EFCAB6: variants seen among roughly 807,000 people sequenced by gnomAD.
EFCAB6 encodes the protein EF-hand calcium-binding domain-containing protein 6.
In EFCAB6, 156 loss-of-function variants were observed where a neutral mutation model predicts 169.8. The ratio of observed to expected loss-of-function variants is 0.92; its 90% confidence interval spans 0.81 to 1.05. EFCAB6 has a LOEUF of 1.05. Ranked by LOEUF, EFCAB6 falls within the 50% of genes least tolerant of loss-of-function variation. The pLI is 0.00. For missense variants in EFCAB6, 1,800 were observed against 1,829.1 expected (o/e 0.98, Z 0.29); for synonymous variants, 698 against 676.4 (o/e 1.03, Z -0.50).
chr22:43,555,533 C>T lies in EFCAB6; in HGVS notation c.3421-437G>A, dbSNP rs559842258. Among the ~76,000 whole-genome samples the T allele has an allele frequency of 5.3e-5, 8 of 152,372 alleles. 1 individual carries two copies. Among genetic ancestry groups the T allele is most frequent in the African/African-American group, 1.4e-4 (6 of 41,586 alleles). On this transcript the variant is annotated intron_variant, in intron 26 of 31. Coordinates refer to ENST00000262726, the MANE Select transcript of EFCAB6 (RefSeq NM_022785.4). Reference sequence around the variant, plus strand: ...TTCAGGATGCCAGTTTAGTTGATTACTCACAGTGGTCAACATTTGAAAGGG... The same window carrying T: ...TTCAGGATGCCAGTTTAGTTGATTATTCACAGTGGTCAACATTTGAAAGGG...
intron 17 of EFCAB6, among the ~76,000 whole-genome samples, chr22:43,644,970 G>A (rs562960017): frequency 2.4e-4 from 37 of 152,230 alleles, no homozygotes; most frequent in Admixed American, 5.9e-4. Context: ...CTTACTCTTC[G>A]GGGGTTTCCT....
chr22:43,649,028 G>T (rs1021937353), intron 17 of EFCAB6, among the ~76,000 whole-genome samples: 4 of 151,762 alleles, frequency 2.6e-5, no homozygotes, highest in African/African-American at 9.7e-5. Context: ...TGGTGCAAAC[G>T]AGCCAATGCC....
At chr22:43,662,141 G>A (rs529512566) in intron 17 of EFCAB6, among the ~76,000 whole-genome samples, 2 of 148,642 alleles carry the variant, frequency 1.3e-5, no homozygotes, top group East Asian at 2.0e-4. Context: ...CTGGGTGACA[G>A]AGTGAGACTC....
intron 26 of EFCAB6, among the ~76,000 whole-genome samples, chr22:43,567,071 T>C (rs141545219): frequency 2.0e-4 from 31 of 152,182 alleles, no homozygotes; most frequent in Middle Eastern, 3.4e-3. Flanking sequence ...CAGAAAGCCA[T>C]TTCTGCCCAT....
At chr22:43,634,675 C>A (rs1443361446) in intron 18 of EFCAB6, among the ~76,000 whole-genome samples, 31 of 92,288 alleles carry the variant, frequency 3.4e-4, no homozygotes, top group Non-Finnish European at 5.1e-4. Context: ...CGGTGGGGGG[C>A]GGGCCTGGGG....
At chr22:43,674,338 T>C (rs778136059) in intron 13 of EFCAB6, among the ~76,000 whole-genome samples, 8 of 152,208 alleles carry the variant, frequency 5.3e-5, no homozygotes, top group Non-Finnish European at 8.8e-5. Flanking sequence ...TATAGTACAA[T>C]GGGCAGTGAT....
At chr22:43,538,383 GTTTTTTTGTTTTTT>G (rs1360640742) in intron 28 of EFCAB6, among the ~76,000 whole-genome samples, 12 of 151,872 alleles carry the variant, frequency 7.9e-5, no homozygotes, top group Non-Finnish European at 1.6e-4. Context: ...AGTGTTTTTT[GTTTTTTTGTTTTTT>G]TTTTTGTTTT....
chr22:43,710,497 C>A (rs2059121234), intron 10 of EFCAB6, among the ~76,000 whole-genome samples: 1 of 152,170 alleles, frequency 6.6e-6, no homozygotes, highest in African/African-American at 2.4e-5. Flanking sequence ...TGCCAGGGAA[C>A]CAGCTCATTA....
In EFCAB6 at chr22:43,672,097, G is replaced by T; in HGVS notation, c.1516C>A (p.Leu506Ile). 1.2e-6 allele frequency: 2 copies of T among 1,613,752 alleles called. No homozygotes were observed. The highest frequency in any genetic ancestry group is 1.7e-6 in the Non-Finnish European group (2 of 1,179,934). ...EIVHDTITRN[L>I]QAFYNMLRSY... Reference sequence around the variant, plus strand: ...CGTAGCATGTTATAAAAAGCTTGTAGGTTCCTAGTAATTGTATCATGAACA... The same window carrying T: ...CGTAGCATGTTATAAAAAGCTTGTATGTTCCTAGTAATTGTATCATGAACA... The change falls in exon 15 of 32, where the codon CTA becomes ATA. Residue 506 changes from leucine to isoleucine, a missense_variant. Physicochemically the swap from Leu to Ile is conservative, Grantham distance 5. Coordinates refer to ENST00000262726, the MANE Select transcript of EFCAB6 (RefSeq NM_022785.4).
At chr22:43,598,922 C>G (rs1351861428) in intron 23 of EFCAB6, among the ~76,000 whole-genome samples, 2 of 152,160 alleles carry the variant, frequency 1.3e-5, no homozygotes. Context: ...ATCATACATA[C>G]CCTCCAAATA....
chr22:43,573,853 T>C (rs2050056371), intron 26 of EFCAB6, among the ~76,000 whole-genome samples: 1 of 151,868 alleles, frequency 6.6e-6, no homozygotes. Flanking sequence ...AAACAGTATA[T>C]AATGGACATA....
At chr22:43,794,787 A>T (rs1409142579) in intron 2 of EFCAB6, among the ~76,000 whole-genome samples, 1 of 152,216 alleles carries the variant, frequency 6.6e-6, no homozygotes, top group Non-Finnish European at 1.5e-5. Flanking sequence ...ATACTGCCTT[A>T]ATATCTTAGA....
chr22:43,636,041 G>T (rs1321968630), intron 17 of EFCAB6, among the ~76,000 whole-genome samples: 2 of 152,134 alleles, frequency 1.3e-5, no homozygotes, highest in Non-Finnish European at 2.9e-5. Context: ...AATCCAAATG[G>T]GAAAACATGG....
In EFCAB6 at chr22:43,628,012, G is replaced by A. The variant is rs1398432963; in HGVS notation, c.2233-1333C>T. Among the ~76,000 whole-genome samples, 1 of 152,122 alleles carries A rather than the reference G, an allele frequency of 6.6e-6. No individual in the cohort carries two copies. Among genetic ancestry groups the A allele is most frequent in the Non-Finnish European group, 1.5e-5 (1 of 68,016 alleles). On this transcript the variant is annotated intron_variant, in intron 19 of 31. Transcript: ENST00000262726. This position sits in a 1 kb window ranked among gnomAD's most constrained non-coding sequence, Gnocchi z 4.8. ...GAGGCTGATGTCTAACTCTGCCCGAGGGGGCCTCCTGGGGTGCAGGCCCAT... is the reference window on the plus strand; with the variant it reads ...GAGGCTGATGTCTAACTCTGCCCGAAGGGGCCTCCTGGGGTGCAGGCCCAT...
chr22:43,625,227 C>A (rs572477358), intron 20 of EFCAB6, among the ~76,000 whole-genome samples: 123 of 152,238 alleles, frequency 8.1e-4, no homozygotes, highest in Admixed American at 2.7e-3. Context: ...GGGCTCCACT[C>A]TCAGGGAGCT....
intron 20 of EFCAB6, among the ~76,000 whole-genome samples, chr22:43,620,071 C>T (rs1303801291): frequency 1.3e-5 from 2 of 152,072 alleles, no homozygotes; most frequent in African/African-American, 4.8e-5. Context: ...TGATCCAAGC[C>T]CTTTGGGAGG....
rs150015946 is a variant in EFCAB6, at chr22:43,638,996, G to A, written c.1984-3780C>T. On this transcript the variant is annotated intron_variant, in intron 17 of 31. Coordinates refer to ENST00000262726, the MANE Select transcript of EFCAB6 (RefSeq NM_022785.4). ...GATGGGGTTTCTCCATGTTGATCAG[G>A]CTGGTCTCGAACTCCTGACCTCAGG... Among the ~76,000 whole-genome samples, 1,162 of 151,448 alleles carry A rather than the reference G, an allele frequency of 7.7e-3. 18 individuals are homozygous for A. The highest frequency in any genetic ancestry group is 0.027 in the African/African-American group (1,119 of 41,208).
chr22:43,642,266 C>T (rs1430841512), intron 17 of EFCAB6, among the ~76,000 whole-genome samples: 4 of 152,204 alleles, frequency 2.6e-5, no homozygotes, highest in East Asian at 1.9e-4. Context: ...GCCATCCCTC[C>T]GTGCCTGGAA....
chr22:43,606,234 C>T (rs1032767921), intron 22 of EFCAB6, among the ~76,000 whole-genome samples: 4 of 152,218 alleles, frequency 2.6e-5, no homozygotes, highest in South Asian at 2.1e-4. Context: ...AGTTTATTAG[C>T]GCTTGATTTC....
Sources: allele counts gnomAD v4.1 joint callset (sites outside exome capture counted in the v4.1 genomes callset), GRCh38; gene constraint gnomAD v4.1.1; non-coding constraint Gnocchi (gnomAD v3.1); transcripts MANE v1.5; gene names NCBI Gene and HGNC (gene_info 2026-07-23, HGNC 2026-07-21).